Variants in TFEB observed in about 807,000 individuals in gnomAD.
TFEB encodes transcription factor EB.
A neutral mutation model predicts 48.0 loss-of-function variants in TFEB; 12 were observed. The ratio of observed to expected loss-of-function variants is 0.25; its 90% CI spans 0.16 to 0.40. TFEB has a LOEUF of 0.40. Ranked by LOEUF, TFEB falls within the 10% of genes least tolerant of loss-of-function variation. TFEB has a pLI of 1.00. For synonymous variants in TFEB, 244 were observed against 261.4 expected, an observed-to-expected ratio of 0.93 and a Z score of 0.64; for missense variants, 509 against 640.3, an observed-to-expected ratio of 0.79 and a Z score of 2.21.
chr6:41,685,972 C>A, intron 8 of TFEB, 118 bp downstream of exon 8: 1 of 1,329,744 alleles, frequency 7.5e-7, no homozygotes, highest in Non-Finnish European at 1.1e-6. Flanking sequence ...ATACATCCTC[C>A]TTCCTAATGG....
At chr6:41,689,245 C>T (rs1769169954) in intron 4 of TFEB, among the ~76,000 whole-genome samples, 1 of 152,164 alleles carries the variant, frequency 6.6e-6, no homozygotes, top group South Asian at 2.1e-4. Flanking sequence ...AGGGAGTGTT[C>T]CTGTGGTTGG....
chr6:41,708,082 C>T (rs936371378), intron 1 of TFEB, among the ~76,000 whole-genome samples: 1 of 152,280 alleles, frequency 6.6e-6, no homozygotes, highest in South Asian at 2.1e-4. Context: ...CTGGGATGGG[C>T]GAGCCAGTGT....
At chr6:41,728,354 A>T (rs895668357) in intron 1 of TFEB, among the ~76,000 whole-genome samples, 14 of 152,222 alleles carry the variant, frequency 9.2e-5, no homozygotes, top group Admixed American at 8.5e-4. Flanking sequence ...CCTCTTGACA[A>T]CATGGGGGCA....
In TFEB at chr6:41,691,421, A is replaced by G. The variant is rs1436934540; in HGVS notation, c.-22-186T>C. On this transcript the variant is annotated intron_variant, in intron 1 of 8. Coordinates refer to ENST00000373033, the MANE Select transcript of TFEB (RefSeq NM_001271944.2). This position sits in a 1 kb window ranked among gnomAD's most constrained non-coding sequence, Gnocchi z 5.2. ...CGGGTGACAGCTGAGACATGAATCCAAGTTTCCTGGTTCCTGGACCAAAAC... is the reference window on the plus strand; with the variant it reads ...CGGGTGACAGCTGAGACATGAATCCGAGTTTCCTGGTTCCTGGACCAAAAC... The G allele has an allele frequency of 1.4e-6, 1 of 738,632 alleles. No homozygotes were observed. Among genetic ancestry groups the G allele is most frequent in the Non-Finnish European group, 2.5e-6 (1 of 405,662 alleles). The allele number at this position is 738,632 out of a possible 1,614,324, so 45.8% of individuals were successfully genotyped here.
At chr6:41,696,102 G>A (rs1769566826) in intron 1 of TFEB, among the ~76,000 whole-genome samples, 1 of 152,250 alleles carries the variant, frequency 6.6e-6, no homozygotes, top group Non-Finnish European at 1.5e-5. Context: ...CCCCAGACAA[G>A]GGCTTCTGAG....
At position 41,684,866 on chromosome 6, in the gene TFEB, T is replaced by C. The variant is rs1062966; in HGVS notation, c.1164A>G (p.Pro388=). The C allele has an allele frequency of 0.72, 1,130,956 of 1,569,808 alleles. 409,051 individuals are homozygous for C. Among genetic ancestry groups the C allele is most frequent in the African/African-American group, 0.83 (60,969 of 73,876 alleles). Residue 388 remains proline, a synonymous_variant, in exon 9 of 9, where the codon CCA becomes CCG. Coordinates refer to ENST00000373033, the MANE Select transcript of TFEB (RefSeq NM_001271944.2). ...QAPLPLPTQP[P]SPFHHLDFSH... ...TGAAGTCCAGGTGATGGAATGGGGATGGTGGCTGGGTGGGCAGGGGCAGCG... is the reference window on the plus strand; with the variant it reads ...TGAAGTCCAGGTGATGGAATGGGGACGGTGGCTGGGTGGGCAGGGGCAGCG...
chr6:41,709,013 G>T (rs1285562673), intron 1 of TFEB, among the ~76,000 whole-genome samples: 3 of 152,322 alleles, frequency 2.0e-5, no homozygotes, highest in South Asian at 2.1e-4. Flanking sequence ...CCATACCGGG[G>T]GTAGTGATGG....
chr6:41,732,206 C>T (rs1380433350), intron 1 of TFEB, among the ~76,000 whole-genome samples: 2 of 152,144 alleles, frequency 1.3e-5, no homozygotes, highest in African/African-American at 2.4e-5. Context: ...GACCACCACA[C>T]CCCCACCTTT....
At chr6:41,733,441 A>C (rs559377280) in intron 1 of TFEB, 6 of 224,078 alleles carry the variant, frequency 2.7e-5, no homozygotes, top group South Asian at 1.6e-4. Context: ...AGTTGAGGAC[A>C]AAATAACCCT....
rs375846676 is a variant in TFEB, at chr6:41,714,876, C to T, written c.-23+20474G>A. ...ACAGGTTGGCACTCCTCCGGGAGTC[C>T]ATGCCAAGTCAGAGGGCACAAAATG... On this transcript the variant is annotated intron_variant, in intron 1 of 8. Transcript: ENST00000373033. Among the ~76,000 whole-genome samples, 192 of 152,356 alleles carry T rather than the reference C, an allele frequency of 1.3e-3. 8 individuals carry two copies. The South Asian group carries it at 0.037, about 29-fold the overall frequency.
At chr6:41,728,488 G>C (rs1771305868) in intron 1 of TFEB, among the ~76,000 whole-genome samples, 1 of 152,234 alleles carries the variant, frequency 6.6e-6, no homozygotes, top group Non-Finnish European at 1.5e-5. Flanking sequence ...GGGGACAAGA[G>C]GCGGCAGGGG....
At chr6:41,732,240 C>T (rs1011604211) in intron 1 of TFEB, among the ~76,000 whole-genome samples, 1 of 152,040 alleles carries the variant, frequency 6.6e-6, no homozygotes, top group South Asian at 2.1e-4. Flanking sequence ...CTGGGAAACC[C>T]CTTGAAGAAG....
rs1265530890 is a variant in TFEB at position 41,686,160 on chromosome 6, T to G, written c.881A>C (p.Lys294Thr). Residue 294 changes from lysine to threonine, a missense_variant, in exon 8 of 9, where the codon AAG becomes ACG. By Grantham distance (78) the Lys-to-Thr change is moderately conservative (BLOSUM62 -1). Coordinates refer to ENST00000373033, the MANE Select transcript of TFEB (RefSeq NM_001271944.2). ...AGAGTGGTTCTCCAGCTCCCTGGAC[T>G]TTTGCAGGTCCTTCTGCATCCTCCG... ...YIRRMQKDLQ[K>T]SRELENHSRR... 10 of 1,614,128 alleles carry G rather than the reference T, an allele frequency of 6.2e-6. No individual in the cohort carries two copies. The Admixed American group carries it at 1.7e-4, about 27-fold the overall frequency.
In TFEB at chr6:41,690,760, C is replaced by G; in HGVS notation, c.371G>C (p.Gly124Ala). The G allele has an allele frequency of 1.2e-6, 2 of 1,610,162 alleles. No individual in the cohort carries two copies. The highest frequency in any genetic ancestry group is 1.7e-5 in the Admixed American group (1 of 59,782). Residue 124 changes from glycine (G) to alanine (A), a missense_variant, in exon 3 of 9, where the codon GGG becomes GCG. Gly to Ala is a moderately conservative substitution (Grantham distance 60, BLOSUM62 0). Around this residue, in one of 4 missense-constraint regions of TFEB, gnomAD observed 251 missense variants for 317.2 expected, o/e 0.79. Transcript: ENST00000373033. ...SPKPPPAASP[G>A]VRAGHVLSSS... is the part of the protein sequence containing the mutation. ...GGACAGCACGTGTCCAGCTCGCACCCCTGGGGAGGCGGCTGGTGGGGGTTT... is the reference window on the plus strand; with the variant it reads ...GGACAGCACGTGTCCAGCTCGCACCGCTGGGGAGGCGGCTGGTGGGGGTTT...
At chr6:41,725,722 T>A (rs1234256393) in intron 1 of TFEB, among the ~76,000 whole-genome samples, 59 of 152,236 alleles carry the variant, frequency 3.9e-4, no homozygotes, top group Non-Finnish European at 1.2e-4. Flanking sequence ...CCCCGATGCA[T>A]GAATATATTA....
At chr6:41,694,739 C>G (rs12525703) in intron 1 of TFEB, among the ~76,000 whole-genome samples, 5,408 of 152,216 alleles carry the variant, frequency 0.036, 135 homozygotes, top group East Asian at 0.091. Flanking sequence ...CCATCTGGCC[C>G]TTCAGACCCA....
intron 1 of TFEB, among the ~76,000 whole-genome samples, chr6:41,710,743 T>C (rs1165865648): frequency 6.6e-6 from 1 of 152,140 alleles, no homozygotes; most frequent in Non-Finnish European, 1.5e-5. Flanking sequence ...GGGGACCTCC[T>C]TGCTCTCTCA....
At chr6:41,703,171 C>A (rs566372099) in intron 1 of TFEB, among the ~76,000 whole-genome samples, 552 of 152,368 alleles carry the variant, frequency 3.6e-3, no homozygotes, top group Non-Finnish European at 4.4e-3. Context: ...CTGCTAGCTG[C>A]CAGCTGCTTA....
chr6:41,695,772 T>C (rs570427644), intron 1 of TFEB, among the ~76,000 whole-genome samples: 1 of 152,302 alleles, frequency 6.6e-6, no homozygotes, highest in South Asian at 2.1e-4. Flanking sequence ...CACTCAGCTC[T>C]TACAGTGGGA....
Sources: allele counts gnomAD v4.1 joint callset (sites outside exome capture counted in the v4.1 genomes callset), GRCh38; gene constraint gnomAD v4.1.1; regional missense constraint gnomAD v4.1.1; non-coding constraint Gnocchi (gnomAD v3.1); transcripts MANE v1.5; gene names NCBI Gene and HGNC (gene_info 2026-07-23, HGNC 2026-07-21).